Variants in CDH23 observed in about 807,000 individuals in gnomAD.
CDH23 encodes the protein cadherin-23.
In CDH23, 189 loss-of-function variants were observed where a neutral mutation model predicts 317.1. That is an observed-to-expected ratio of 0.60 (90% CI 0.53 to 0.67). The LOEUF (loss-of-function observed/expected upper bound fraction) is 0.67, where lower values mean the gene tolerates loss of function less well. Among genes scored for constraint, CDH23 ranks in the 30% least tolerant of loss-of-function variants. CDH23 has a pLI of 0.00. For synonymous variants in CDH23, 1,839 were observed against 1,876.8 expected (o/e 0.98, Z 0.52); for missense variants, 4,401 against 4,592.4 (o/e 0.96, Z 1.20).
In CDH23 at chr10:71,690,590, C is replaced by A; in HGVS notation, c.2176+6C>A. The A allele has an allele frequency of 6.4e-7, 1 of 1,563,752 alleles. No individual in the cohort carries two copies. Among genetic ancestry groups the A allele is most frequent in the Non-Finnish European group, 8.7e-7 (1 of 1,147,644 alleles). ...TCGGATCAATGCCCGCTCAGGTGAG[C>A]CCCCCCACCCCAAGTACCCTGGTCC... On this transcript the variant is annotated splice_donor_region_variant and intron_variant, in intron 20 of 69. Coordinates refer to ENST00000224721, the MANE Select transcript of CDH23 (RefSeq NM_022124.6).
chr10:71,553,543 A>G (rs1212566871), intron 6 of CDH23, among the ~76,000 whole-genome samples: 1 of 152,170 alleles, frequency 6.6e-6, no homozygotes, highest in African/African-American at 2.4e-5. Context: ...CCACTCCTTC[A>G]GAATGTACAC....
At chr10:71,488,871 T>C (rs1448891524) in intron 3 of CDH23, among the ~76,000 whole-genome samples, 2 of 152,268 alleles carry the variant, frequency 1.3e-5, no homozygotes, top group East Asian at 3.8e-4. Flanking sequence ...TAGGTTGCCA[T>C]TTACTTTCAG....
intron 1 of CDH23, among the ~76,000 whole-genome samples, chr10:71,421,137 T>A (rs1307062222): frequency 6.6e-6 from 1 of 152,222 alleles, no homozygotes; most frequent in African/African-American, 2.4e-5. Flanking sequence ...CAGCTCCTCA[T>A]AGGAAAGATG....
Position 71,811,862 on chromosome 10 carries a change from C to G in CDH23, c.9320-93C>G, listed in dbSNP as rs41281340. 0.11 allele frequency: 180,708 copies of G among 1,590,018 alleles called. 13,845 individuals are homozygous for G. The highest frequency in any genetic ancestry group is 0.39 in the East Asian group (16,840 of 43,700). ...TCAGGCCCTTCACTGGGCCCAGGAC[C>G]ATGCCCCGCACCCCATCCTCCCTCA... On this transcript the variant is annotated intron_variant, in intron 65 of 69. Transcript: ENST00000224721.
chr10:71,727,258 C>G (rs992226394), intron 30 of CDH23, among the ~76,000 whole-genome samples: 4 of 152,222 alleles, frequency 2.6e-5, no homozygotes, highest in Non-Finnish European at 4.4e-5. Flanking sequence ...AGGCTTCATG[C>G]CTTGGCAGCC....
chr10:71,457,019 C>A (rs1850729124), intron 3 of CDH23, among the ~76,000 whole-genome samples: 1 of 152,194 alleles, frequency 6.6e-6, no homozygotes, highest in Non-Finnish European at 1.5e-5. Context: ...CCACCTCACA[C>A]CAGGCAAGTG....
chr10:71,617,613 A>T, intron 11 of CDH23: 1 of 1,214,184 alleles, frequency 8.2e-7, no homozygotes, highest in South Asian at 1.6e-5. Context: ...ACATGTTTCC[A>T]TATGTGTGGT....
At chr10:71,649,427 C>T (rs972371484) in intron 14 of CDH23, among the ~76,000 whole-genome samples, 4 of 152,208 alleles carry the variant, frequency 2.6e-5, no homozygotes, top group African/African-American at 4.8e-5. Flanking sequence ...CTCATCCTGG[C>T]GTGGCCCTGC....
At chr10:71,767,823 G>A (rs1840590132) in intron 38 of CDH23, among the ~76,000 whole-genome samples, 1 of 152,236 alleles carries the variant, frequency 6.6e-6, no homozygotes, top group African/African-American at 2.4e-5. Flanking sequence ...GGCTGGGAAG[G>A]GGAAGCCAGG....
At chr10:71,495,000 C>T (rs1852878998) in intron 3 of CDH23, among the ~76,000 whole-genome samples, 1 of 152,152 alleles carries the variant, frequency 6.6e-6, no homozygotes, top group Non-Finnish European at 1.5e-5. Context: ...CGCTTGCTCA[C>T]CTGGGGCCTT....
intron 11 of CDH23, among the ~76,000 whole-genome samples, chr10:71,629,250 A>C (rs1477184787): frequency 1.3e-5 from 2 of 152,264 alleles, no homozygotes; most frequent in East Asian, 3.8e-4. Context: ...AAATGATGTC[A>C]GGTGGTGAGA....
intron 3 of CDH23, among the ~76,000 whole-genome samples, chr10:71,474,110 A>C (rs1589115924): frequency 1.3e-5 from 2 of 150,868 alleles, no homozygotes; most frequent in South Asian, 2.1e-4. Flanking sequence ...TCCCTCCCCC[A>C]CCTCCTCTCC....
At position 71,777,764 on chromosome 10, in the gene CDH23, G is replaced by T; in HGVS notation, c.4930G>T (p.Asp1644Tyr). Reference sequence around the variant, plus strand: ...GCAGCCCCACTATGAGGTGCTGCTGGATGAGGGCCCAGACACGCTCAACAC... The same window carrying T: ...GCAGCCCCACTATGAGGTGCTGCTGTATGAGGGCCCAGACACGCTCAACAC... ...FQQPHYEVLL[D>Y]EGPDTLNTSL... Residue 1644 changes from aspartate to tyrosine, a missense_variant, in exon 39 of 70, where the codon GAT (aspartate) becomes TAT (tyrosine). By Grantham distance (160) the Asp-to-Tyr change is radical. Transcript: ENST00000224721. The T allele has an allele frequency of 1.2e-6, 2 of 1,613,836 alleles. No homozygotes were observed. Among genetic ancestry groups the T allele is most frequent in the Non-Finnish European group, 1.7e-6 (2 of 1,179,846 alleles).
intron 3 of CDH23, among the ~76,000 whole-genome samples, chr10:71,473,833 G>T (rs887742305): frequency 2.6e-5 from 4 of 152,146 alleles, no homozygotes; most frequent in African/African-American, 9.7e-5. Context: ...GCTGGCCCCT[G>T]TGAGCATCAA....
rs1564811360 is a variant in CDH23, at chr10:71,815,316, T to C, written c.*38T>C. 6.7e-7 allele frequency: 1 copy of C among 1,491,520 alleles called. No individual in the cohort carries two copies. The highest frequency in any genetic ancestry group is 9.0e-7 in the Non-Finnish European group (1 of 1,109,022). 92.4% of individuals were successfully genotyped at this position (1,491,520 alleles called of 1,614,324 possible). ...GCCTTGTGGGTGTGAGCAGCACCCA[T>C]CCACCGTCCCCTCCCAGGGAGCAAG... On this transcript the variant is annotated 3_prime_UTR_variant, in exon 70 of 70. Coordinates refer to ENST00000224721, the MANE Select transcript of CDH23 (RefSeq NM_022124.6).
chr10:71,420,467 A>T, intron 1 of CDH23, among the ~76,000 whole-genome samples: 1 of 142,066 alleles, frequency 7.0e-6, no homozygotes, highest in Non-Finnish European at 1.5e-5. Context: ...GATAATGATG[A>T]TGGTGATGAT....
chr10:71,577,909 C>G lies in CDH23; in HGVS notation c.754-5C>G. 9 of 1,591,620 alleles carry G rather than the reference C, an allele frequency of 5.7e-6. No individual in the cohort carries two copies. Among genetic ancestry groups the G allele is most frequent in the Non-Finnish European group, 7.7e-6 (9 of 1,168,952 alleles). On this transcript the variant is annotated splice_region_variant and splice_polypyrimidine_tract_variant and intron_variant, in intron 8 of 69. Coordinates refer to ENST00000224721, the MANE Select transcript of CDH23 (RefSeq NM_022124.6). ...AAACTCAAGTCCCTCCTCTCTTCTG[C>G]CCAGGGCACGACGGTGCGCATCATC...
At chr10:71,608,071 G>A (rs966834284) in intron 9 of CDH23, among the ~76,000 whole-genome samples, 1 of 152,204 alleles carries the variant, frequency 6.6e-6, no homozygotes, top group African/African-American at 2.4e-5. Context: ...TTTACAGATG[G>A]GAAATTTGGC....
Position 71,407,616 on chromosome 10 carries a change from G to A in CDH23, c.-6+10298G>A, listed in dbSNP as rs761694691. On this transcript the variant is annotated intron_variant, in intron 1 of 69. Coordinates refer to ENST00000224721, the MANE Select transcript of CDH23 (RefSeq NM_022124.6). Reference sequence around the variant, plus strand: ...CAACCCCACACCTTTCCCCGCCATTGGCCAGGCTGGCTCAGGAGCTCTTGG... The same window carrying A: ...CAACCCCACACCTTTCCCCGCCATTAGCCAGGCTGGCTCAGGAGCTCTTGG... Among the ~76,000 whole-genome samples the A allele has an allele frequency of 2.0e-5, 3 of 152,322 alleles. No homozygotes were observed. In the East Asian group the frequency reaches 5.8e-4, roughly 29 times the overall value.
Sources: allele counts gnomAD v4.1 joint callset (sites outside exome capture counted in the v4.1 genomes callset), GRCh38; gene constraint gnomAD v4.1.1; transcripts MANE v1.5; gene names NCBI Gene and HGNC (gene_info 2026-07-23, HGNC 2026-07-21).